Variants in CDH23 observed in about 807,000 individuals in gnomAD.
The protein encoded by CDH23 is cadherin related 23.
In CDH23, 189 loss-of-function variants were observed where a neutral mutation model predicts 317.1. The observed-to-expected ratio is 0.60, with a 90% CI of 0.53 to 0.67. The LOEUF (loss-of-function observed/expected upper bound fraction) is 0.67. CDH23 is among the 30% of genes least tolerant of loss of function. The probability of loss-of-function intolerance (pLI) is 0.00; values close to 1 mark genes in which losing one functional copy is unlikely to be tolerated. For missense variants in CDH23, 4,401 were observed against 4,592.4 expected (o/e 0.96, Z 1.20); for synonymous variants, 1,839 against 1,876.8 (o/e 0.98, Z 0.52).
chr10:71,690,644 C>A (rs1471516358), intron 20 of CDH23, 60 bp downstream of exon 20: 1 of 1,263,346 alleles, frequency 7.9e-7, no homozygotes, highest in East Asian at 2.5e-5. Context: ...CTGTCCATAC[C>A]CGGCCCCAGG....
intron 3 of CDH23, among the ~76,000 whole-genome samples, chr10:71,449,287 G>A (rs1320858606): frequency 2.0e-5 from 3 of 152,190 alleles, no homozygotes; most frequent in Non-Finnish European, 4.4e-5. Context: ...CGGCTCACCA[G>A]AGGTTGGAGT....
intron 62 of CDH23, 96 bp from the exon 63 acceptor site, chr10:71,811,219 T>C: frequency 6.3e-7 from 1 of 1,579,932 alleles, no homozygotes; most frequent in East Asian, 2.2e-5. Flanking sequence ...GGCTTGGGGT[T>C]GTTGAACTTT....
intron 3 of CDH23, among the ~76,000 whole-genome samples, chr10:71,496,815 A>G (rs1454354702): frequency 1.3e-5 from 2 of 151,860 alleles, no homozygotes; most frequent in African/African-American, 2.4e-5. Context: ...ATCCTGATGT[A>G]TGTGGTCTGG....
At chr10:71,457,130 G>A (rs1850734966) in intron 3 of CDH23, among the ~76,000 whole-genome samples, 1 of 152,224 alleles carries the variant, frequency 6.6e-6, no homozygotes, top group African/African-American at 2.4e-5. Context: ...GGCCTTGATT[G>A]GTTGGGTTTT....
intron 1 of CDH23, among the ~76,000 whole-genome samples, chr10:71,409,599 C>T (rs749347746): frequency 3.6e-4 from 54 of 152,072 alleles, no homozygotes; most frequent in Non-Finnish European, 6.6e-4. Flanking sequence ...AAGCAGAGGG[C>T]ACCCGGGCAG....
At chr10:71,694,326 C>A in intron 21 of CDH23, 67 bp downstream of exon 21, 4 of 1,218,158 alleles carry the variant, frequency 3.3e-6, no homozygotes, top group Non-Finnish European at 4.7e-6. Flanking sequence ...CCTGCTTGTA[C>A]CTCTGGACCC....
chr10:71,766,851 G>A (rs1840558220), intron 38 of CDH23, among the ~76,000 whole-genome samples: 3 of 152,208 alleles, frequency 2.0e-5, no homozygotes, highest in South Asian at 2.1e-4. Flanking sequence ...GAACCCTCCA[G>A]TGGGCAGGCG....
chr10:71,622,319 CT>C (rs1459088671), intron 11 of CDH23, among the ~76,000 whole-genome samples: 1 of 152,230 alleles, frequency 6.6e-6, no homozygotes, highest in Non-Finnish European at 1.5e-5. Context: ...CAGCCCTCCC[CT>C]GCCTCACCTC....
intron 22 of CDH23, among the ~76,000 whole-genome samples, chr10:71,698,531 C>T (rs1865473994): frequency 6.6e-6 from 1 of 151,502 alleles, no homozygotes; most frequent in East Asian, 1.9e-4. Flanking sequence ...ACCGCACACA[C>T]CCACGCCCAC....
chr10:71,457,958 G>A (rs140340399), intron 3 of CDH23, among the ~76,000 whole-genome samples: 2,631 of 152,302 alleles, frequency 0.017, 34 homozygotes, highest in South Asian at 0.028. Flanking sequence ...AGGGGTGGGG[G>A]GCTGACACAT....
chr10:71,790,816 T>C (rs1841231209), intron 46 of CDH23: 1 of 483,270 alleles, frequency 2.1e-6, no homozygotes, highest in African/African-American at 1.9e-5. Context: ...TGGTGACAGG[T>C]GCCGACAGGA....
chr10:71,495,820 AAAAGAAAGAAAG>A (rs550566369), intron 3 of CDH23, among the ~76,000 whole-genome samples: 5 of 147,374 alleles, frequency 3.4e-5, no homozygotes, highest in East Asian at 1.9e-4. Context: ...GAAAAAAAAA[AAAAGAAAGAAAG>A]AAAGAAAGAA....
chr10:71,809,684 T>C, intron 60 of CDH23, 136 bp from the exon 61 acceptor site: 1 of 1,260,450 alleles, frequency 7.9e-7, no homozygotes. Flanking sequence ...CCTGTCACCT[T>C]TGCTCCCTGC....
chr10:71,714,050 GC>G (rs1209674079), intron 28 of CDH23: 3 of 152,094 alleles, frequency 2.0e-5, no homozygotes, highest in African/African-American at 7.2e-5. Context: ...TTAATATAGG[GC>G]AGCCCTGAGT....
intron 6 of CDH23, among the ~76,000 whole-genome samples, chr10:71,521,427 C>T (rs1854673769): frequency 6.6e-6 from 1 of 152,228 alleles, no homozygotes; most frequent in Admixed American, 6.5e-5. Context: ...GACGAACCCT[C>T]CATTTCAGAA....
At chr10:71,424,391 C>A (rs891528591) in intron 1 of CDH23, among the ~76,000 whole-genome samples, 1 of 152,240 alleles carries the variant, frequency 6.6e-6, no homozygotes, top group Non-Finnish European at 1.5e-5. Flanking sequence ...AAAAACAATC[C>A]AAACAGCATC....
intron 14 of CDH23, among the ~76,000 whole-genome samples, chr10:71,654,165 G>A (rs993441010): frequency 2.0e-5 from 3 of 152,210 alleles, no homozygotes; most frequent in East Asian, 1.9e-4. Flanking sequence ...CCAGGTGTGC[G>A]ACCTGTGCGG....
At chr10:71,585,698 C>T (rs1859005889) in intron 9 of CDH23, among the ~76,000 whole-genome samples, 1 of 152,218 alleles carries the variant, frequency 6.6e-6, no homozygotes, top group Admixed American at 6.5e-5. Flanking sequence ...CTTCCTTCCC[C>T]CTGATCTTTC....
chr10:71,551,225 C>T (rs942775653), intron 6 of CDH23, among the ~76,000 whole-genome samples: 2 of 152,354 alleles, frequency 1.3e-5, no homozygotes, highest in South Asian at 4.1e-4. Context: ...GGTAAGGCTG[C>T]CAGGGTCCTC....
Sources: gnomAD v4.1 joint callset for allele counts (sites outside exome capture counted in the v4.1 genomes callset) on GRCh38, gnomAD v4.1.1 for gene constraint, MANE v1.5 for transcripts, NCBI Gene and HGNC (gene_info 2026-07-23, HGNC 2026-07-21) for gene names.